The following SLC2A11 variants were observed in gnomAD, a reference collection of about 807,000 sequenced individuals.
SLC2A11 encodes solute carrier family 2 member 11.
In SLC2A11, 43 loss-of-function variants were observed where a neutral mutation model predicts 52.1. That is an observed-to-expected ratio of 0.82 (90% CI 0.65 to 1.06). The LOEUF is 1.06. Among genes scored for constraint, SLC2A11 ranks in the 50% least tolerant of loss-of-function variants. The pLI, the probability that SLC2A11 is intolerant of heterozygous loss-of-function variation, is 0.00. For missense variants in SLC2A11, 582 were observed against 654.2 expected, an observed-to-expected ratio of 0.89 and a Z score of 1.20; for synonymous variants, 261 against 277.6, an observed-to-expected ratio of 0.94 and a Z score of 0.59.
In SLC2A11 at chr22:23,861,678, C is replaced by G. The variant is rs906440052; in HGVS notation, c.31-426C>G. 2.7e-5 allele frequency among the ~76,000 whole-genome samples: 4 copies of G among 147,202 alleles called. No individual in the cohort carries two copies. In the South Asian group the frequency reaches 6.4e-4, roughly 24 times the overall value. On this transcript the variant is annotated intron_variant, in intron 1 of 11. Coordinates refer to ENST00000316185, the MANE Select transcript of SLC2A11 (RefSeq NM_001024939.4). ...GTGGCTCAGCCCAGATTCCTGGAGC[C>G]TGGCCACTCTGTTGGAGAAGGTTTT... is the stretch of plus-strand genomic sequence containing the variant.
At chr22:23,863,773 A>G (rs2032163849) in intron 2 of SLC2A11, among the ~76,000 whole-genome samples, 1 of 152,058 alleles carries the variant, frequency 6.6e-6, no homozygotes, top group Admixed American at 6.6e-5. Flanking sequence ...GACCACAGGC[A>G]TGTACAACAA....
chr22:23,868,693 GC>G lies in SLC2A11; in HGVS notation c.290+54del, dbSNP rs769164061. On this transcript the variant is annotated intron_variant, in intron 3 of 11. Transcript: ENST00000316185. Reference sequence around the variant, plus strand: ...ATGCCCTTTAATGAGGAGCGCTGCAGCCTGCAGGCTGAGGAATGTGGAAGAA... The same window carrying G: ...ATGCCCTTTAATGAGGAGCGCTGCAGCTGCAGGCTGAGGAATGTGGAAGAA... The G allele has an allele frequency of 3.6e-5, 58 of 1,598,106 alleles. 1 individual carries two copies. The East Asian group carries it at 7.8e-4, about 22-fold the overall frequency.
chr22:23,870,299 G>A lies in SLC2A11; in HGVS notation c.290+1658G>A. 4.1e-6 allele frequency: 2 copies of A among 491,524 alleles called. 1 individual carries two copies. The highest frequency in any genetic ancestry group is 7.3e-5 in the East Asian group (2 of 27,512). The allele number at this position is 491,524 out of a possible 1,614,324, so 30.4% of individuals were successfully genotyped here. A position where few individuals can be genotyped will look rare whatever the true frequency, so the allele number is the denominator to read the frequency against. ...TTCAAGTTTAGCATGTATGCCTATT[G>A]TAATTAAAGCAAATGTCTGTTCCCC... On this transcript the variant is annotated intron_variant, in intron 3 of 11. Transcript: ENST00000316185.
In SLC2A11 at chr22:23,885,190, CA is replaced by C; in HGVS notation, c.*347del. 1 of 436,990 alleles carries C rather than the reference CA, an allele frequency of 2.3e-6. No homozygotes were observed. The highest frequency in any genetic ancestry group is 4.0e-6 in the Non-Finnish European group (1 of 249,428). The allele number at this position is 436,990 out of a possible 1,614,324, so 27.1% of individuals were successfully genotyped here. A position where few individuals can be genotyped will look rare whatever the true frequency, so the allele number is the denominator to read the frequency against. On this transcript the variant is annotated 3_prime_UTR_variant, in exon 12 of 12. Coordinates refer to ENST00000316185, the MANE Select transcript of SLC2A11 (RefSeq NM_001024939.4). ...AACATAGTGAGACCCCCTATCTCTA[CA>C]AAAAATTTTAAACATTAGCTGGGCA... is the stretch of plus-strand genomic sequence containing the variant.
At chr22:23,862,521 C>CCT (rs2032108059) in intron 2 of SLC2A11, among the ~76,000 whole-genome samples, 1 of 152,196 alleles carries the variant, frequency 6.6e-6, no homozygotes. Flanking sequence ...CACTTCTCCC[C>CCT]ATGTTTCCAC....
At chr22:23,880,270 A>AT (rs2032755746) in intron 6 of SLC2A11, 1 of 146,514 alleles carries the variant, frequency 6.8e-6, no homozygotes, top group Non-Finnish European at 1.5e-5. Flanking sequence ...AAAAAAAAAA[A>AT]AAAAAAAAGA....
intron 2 of SLC2A11, chr22:23,865,194 A>C (rs2032217212): frequency 6.6e-6 from 1 of 151,992 alleles, no homozygotes; most frequent in South Asian, 2.1e-4. Context: ...AGGCAGGTGG[A>C]TCCCCTGAGG....
At chr22:23,875,090 CTT>C (rs1363563647) in intron 3 of SLC2A11, 25 bp from the exon 4 acceptor site, 1 of 1,535,776 alleles carries the variant, frequency 6.5e-7, no homozygotes, top group African/African-American at 1.4e-5. Context: ...CACAGCCTCT[CTT>C]TCTGTGTGTT....
Position 23,857,956 on chromosome 22 carries a change from G to A in SLC2A11, c.-44G>A. The A allele has an allele frequency of 6.3e-7, 1 of 1,592,730 alleles. No homozygotes were observed. The highest frequency in any genetic ancestry group is 8.5e-7 in the Non-Finnish European group (1 of 1,171,310). On this transcript the variant is annotated 5_prime_UTR_variant, in exon 1 of 12. Transcript: ENST00000316185. Reference sequence around the variant, plus strand: ...TCACCGCTTGCTAATGGCAGCCGGGGTCTCCCTGGGACAGCAAGACCTCCG... The same window carrying A: ...TCACCGCTTGCTAATGGCAGCCGGGATCTCCCTGGGACAGCAAGACCTCCG...
intron 2 of SLC2A11, among the ~76,000 whole-genome samples, chr22:23,862,738 C>T (rs1175480314): frequency 6.6e-6 from 1 of 152,296 alleles, no homozygotes; most frequent in East Asian, 1.9e-4. Flanking sequence ...ATTCTCCTGC[C>T]TCAGCCTCCC....
At chr22:23,857,064 G>A (rs1295441439), upstream of SLC2A11, 3 of 1,050,700 alleles carry the variant, frequency 2.9e-6, no homozygotes, top group Non-Finnish European at 3.9e-6. Flanking sequence ...GAACCAAAGT[G>A]TGTGTGTGTG....
At chr22:23,880,258 CAAAAAAA>C (rs60165299) in intron 6 of SLC2A11, among the ~76,000 whole-genome samples, 3 of 41,924 alleles carry the variant, frequency 7.2e-5, no homozygotes, top group South Asian at 2.8e-3. Flanking sequence ...GACTCCATCT[CAAAAAAA>C]AAAAAAAAAA....
At chr22:23,859,769 G>A (rs571317484) in intron 1 of SLC2A11, among the ~76,000 whole-genome samples, 5 of 152,192 alleles carry the variant, frequency 3.3e-5, no homozygotes, top group African/African-American at 4.8e-5. Context: ...GATTGCAGGT[G>A]TGGGCCACGA....
intron 2 of SLC2A11, chr22:23,866,286 C>T (rs926875287): frequency 1.3e-5 from 2 of 153,582 alleles, no homozygotes; most frequent in Admixed American, 6.5e-5. Flanking sequence ...TGGCCCTGGT[C>T]CCAGCTCCTG....
chr22:23,862,338 C>T (rs2032101171), intron 2 of SLC2A11, 136 bp downstream of exon 2: 4 of 698,226 alleles, frequency 5.7e-6, no homozygotes, highest in South Asian at 3.3e-5. Context: ...GGTTGGCCCA[C>T]AGGTTCCTGC....
At chr22:23,877,939 C>T (rs1364972322) in intron 6 of SLC2A11, 70 bp downstream of exon 6, 121 of 1,481,434 alleles carry the variant, frequency 8.2e-5, no homozygotes, top group Middle Eastern at 7.2e-4. Context: ...GTATACGGGT[C>T]CCCATTTCAT....
intron 1 of SLC2A11, 142 bp downstream of exon 1, chr22:23,858,171 G>C (rs2031925095): frequency 1.6e-6 from 2 of 1,257,916 alleles, no homozygotes; most frequent in South Asian, 2.6e-5. Flanking sequence ...GTACAGTGGC[G>C]TTAGGTGCTA....
rs56966951 is a variant in SLC2A11 at position 23,880,039 on chromosome 22, C to T, written c.694+2170C>T. ...CCAGCCTGGCCAACATGGTGAAACC[C>T]CATCTCTACTAACAATACAAAAATT... On this transcript the variant is annotated intron_variant, in intron 6 of 11. Coordinates refer to ENST00000316185, the MANE Select transcript of SLC2A11 (RefSeq NM_001024939.4). Among the ~76,000 whole-genome samples, 1,107 of 152,150 alleles carry T rather than the reference C, an allele frequency of 7.3e-3. 18 individuals are homozygous for T. Among genetic ancestry groups the T allele is most frequent in the African/African-American group, 0.024 (1,009 of 41,516 alleles).
chr22:23,877,747 G>T lies in SLC2A11; in HGVS notation c.572G>T (p.Trp191Leu). Residue 191 changes from tryptophan to leucine, a missense_variant, in exon 6 of 12, where the codon TGG (tryptophan) becomes TTG (leucine). Trp to Leu is a moderately conservative substitution (Grantham distance 61). Transcript: ENST00000316185. Reference sequence around the variant, plus strand: ...GAGCTCCTAGGTGGCCCTCAGGCCTGGCCCCTGCTGCTGGCCAGCTGCCTG... The same window carrying T: ...GAGCTCCTAGGTGGCCCTCAGGCCTTGCCCCTGCTGCTGGCCAGCTGCCTG... ...LRELLGGPQAWPLLLASCLVP... is the reference protein window; with the variant it reads ...LRELLGGPQALPLLLASCLVP... 1 of 1,603,020 alleles carries T rather than the reference G, an allele frequency of 6.2e-7. No individual in the cohort carries two copies. The highest frequency in any genetic ancestry group is 8.5e-7 in the Non-Finnish European group (1 of 1,175,100).
Sources: allele counts gnomAD v4.1 joint callset (sites outside exome capture counted in the v4.1 genomes callset), GRCh38; gene constraint gnomAD v4.1.1; transcripts MANE v1.5; gene names NCBI Gene and HGNC (gene_info 2026-07-23, HGNC 2026-07-21).